The following SLF1 variants were observed in gnomAD, a reference collection of about 807,000 sequenced individuals.
The protein encoded by SLF1 is SMC5/6 complex localization factor 1.
SLF1 carries 105 observed loss-of-function variants against 123.0 expected under a neutral mutation model. The observed-to-expected ratio is 0.85, with a 90% CI of 0.73 to 1.00. The LOEUF is 1.00. SLF1 is among the 50% of genes least tolerant of loss of function. The pLI, the probability that SLF1 is intolerant of heterozygous loss-of-function variation, is 0.00. For missense variants in SLF1, 1,239 were observed against 1,223.0 expected (o/e 1.01, Z -0.20); for synonymous variants, 434 against 406.6 (o/e 1.07, Z -0.81).
intron 15 of SLF1, among the ~76,000 whole-genome samples, chr5:94,681,203 C>T (rs1010728873): frequency 6.6e-6 from 1 of 152,080 alleles, no homozygotes; most frequent in Non-Finnish European, 1.5e-5. Context: ...GATCTCGGCT[C>T]ACTGCAATCT....
In SLF1 at chr5:94,653,355, C is replaced by A; in HGVS notation, c.966C>A (p.Cys322Ter). The change falls in exon 8 of 21, where the codon TGC becomes TGA. Residue 322 changes from cysteine (C) to a stop codon, truncating the protein, a stop_gained. Coordinates refer to ENST00000265140, the MANE Select transcript of SLF1 (RefSeq NM_032290.4). LOFTEE classifies it high-confidence loss of function. Reference sequence around the variant, plus strand: ...GCAAGAAAGGAAAAGAAAGCAATTGCAAGAAAGGCGTTGAACATGAAAAAA... The same window carrying A: ...GCAAGAAAGGAAAAGAAAGCAATTGAAAGAAAGGCGTTGAACATGAAAAAA... ...RKRKKGKESN[C>*]KKGVEHEKIK... The A allele has an allele frequency of 1.3e-6, 2 of 1,529,016 alleles. No homozygotes were observed. Among genetic ancestry groups the A allele is most frequent in the Non-Finnish European group, 1.8e-6 (2 of 1,140,386 alleles). 94.7% of individuals were successfully genotyped at this position (1,529,016 alleles called of 1,614,324 possible).
chr5:94,660,477 T>A (rs7735659), intron 9 of SLF1, among the ~76,000 whole-genome samples: 33,853 of 152,136 alleles, frequency 0.22, 3,894 homozygotes, highest in East Asian at 0.34. Flanking sequence ...CTCTGGTGGC[T>A]GTGCTAGTAG....
rs77655881 is a variant in SLF1 at position 94,653,530 on chromosome 5, C to A, written c.1032+109C>A. ...TTTTAAGAAAAAATCTTGAGTCAAT[C>A]TGGTGTAATATTCATAGTTAATATT... On this transcript the variant is annotated intron_variant, in intron 8 of 20. Transcript: ENST00000265140. 325 of 957,266 alleles carry A rather than the reference C, an allele frequency of 3.4e-4. 3 individuals are homozygous for A. In the East Asian group the frequency reaches 8.7e-3, roughly 26 times the overall value. 59.3% of individuals were successfully genotyped at this position (957,266 alleles called of 1,614,324 possible).
intron 14 of SLF1, among the ~76,000 whole-genome samples, chr5:94,674,405 T>C (rs1187346842): frequency 2.0e-5 from 3 of 152,242 alleles, no homozygotes; most frequent in African/African-American, 7.2e-5. Flanking sequence ...CATTGTGATA[T>C]GAGAACTGGT....
At chr5:94,686,289 A>G (rs570725201) in intron 15 of SLF1, among the ~76,000 whole-genome samples, 4 of 152,340 alleles carry the variant, frequency 2.6e-5, no homozygotes, top group African/African-American at 9.6e-5. Context: ...ATATATTCAT[A>G]TATTACCTAA....
chr5:94,680,613 G>A (rs1286914893), intron 15 of SLF1, among the ~76,000 whole-genome samples: 1 of 152,178 alleles, frequency 6.6e-6, no homozygotes. Context: ...AGATTATCAG[G>A]ATAGTTAGAT....
In SLF1 at chr5:94,697,156, G is replaced by T. The variant is rs1753552024; in HGVS notation, c.*1844G>T. 1 of 151,824 alleles carries T rather than the reference G, an allele frequency of 6.6e-6. No homozygotes were observed. The highest frequency in any genetic ancestry group is 1.5e-5 in the Non-Finnish European group (1 of 67,862). 9.4% of individuals were successfully genotyped at this position (151,824 alleles called of 1,614,324 possible). A position where few individuals can be genotyped will look rare whatever the true frequency, so the allele number is the denominator to read the frequency against. Reference sequence around the variant, plus strand: ...CTTCTACAAGCAGTGATGACATGAAGTGTGAAACAGATGTCACTGAGGTCT... The same window carrying T: ...CTTCTACAAGCAGTGATGACATGAATTGTGAAACAGATGTCACTGAGGTCT... On this transcript the variant is annotated 3_prime_UTR_variant, in exon 21 of 21. Coordinates refer to ENST00000265140, the MANE Select transcript of SLF1 (RefSeq NM_032290.4).
At chr5:94,648,888 A>T (rs541778174) in intron 5 of SLF1, among the ~76,000 whole-genome samples, 1 of 152,338 alleles carries the variant, frequency 6.6e-6, no homozygotes, top group African/African-American at 2.4e-5. Flanking sequence ...TATGCAATGA[A>T]TTTTAAAATA....
At chr5:94,660,659 A>G (rs565122374) in intron 9 of SLF1, among the ~76,000 whole-genome samples, 3 of 152,272 alleles carry the variant, frequency 2.0e-5, no homozygotes, top group African/African-American at 7.2e-5. Context: ...CACCAGTGGC[A>G]GGCAGAGTGG....
chr5:94,619,691 G>T lies in SLF1; in HGVS notation c.-1+926G>T, dbSNP rs190956754. ...ATGTGTGACAGACAATGCACCTTGT[G>T]GACTTTTTGGTTTATGTTATTCCGT... On this transcript the variant is annotated intron_variant, in intron 1 of 20. Coordinates refer to ENST00000265140, the MANE Select transcript of SLF1 (RefSeq NM_032290.4). 2.0e-5 allele frequency among the ~76,000 whole-genome samples: 3 copies of T among 152,216 alleles called. No homozygotes were observed. The East Asian group carries it at 5.8e-4, about 29-fold the overall frequency.
intron 15 of SLF1, among the ~76,000 whole-genome samples, chr5:94,682,143 A>G (rs1423405586): frequency 6.6e-6 from 1 of 152,238 alleles, no homozygotes; most frequent in African/African-American, 2.4e-5. Flanking sequence ...AATGTTAGTG[A>G]TCAAATATAT....
chr5:94,683,266 T>C (rs1243232578), intron 15 of SLF1, among the ~76,000 whole-genome samples: 1 of 152,208 alleles, frequency 6.6e-6, no homozygotes, highest in African/African-American at 2.4e-5. Context: ...TAAATGTTTA[T>C]GTATCATTAC....
At chr5:94,635,196 A>G (rs985040003) in intron 4 of SLF1, among the ~76,000 whole-genome samples, 3 of 151,974 alleles carry the variant, frequency 2.0e-5, no homozygotes, top group South Asian at 4.1e-4. Flanking sequence ...TTCAATGTAA[A>G]TTCTATTTTG....
Position 94,646,643 on chromosome 5 carries a change from A to G in SLF1, c.595-2811A>G, listed in dbSNP as rs551466154. On this transcript the variant is annotated intron_variant, in intron 5 of 20. Transcript: ENST00000265140. ...GGAATACTGAAAACTTATCTTGACT[A>G]CTTAAGAAAGAAAAATGAACTACAG... is the stretch of plus-strand genomic sequence containing the variant. Among the ~76,000 whole-genome samples the G allele has an allele frequency of 3.9e-5, 6 of 152,326 alleles. No individual in the cohort carries two copies. The South Asian group carries it at 1.2e-3, about 32-fold the overall frequency.
At position 94,696,978 on chromosome 5, in the gene SLF1, G is replaced by A. The variant is rs560641538; in HGVS notation, c.*1666G>A. The stretch of plus-strand genomic sequence containing the variant: ...GGCAATATAGTAATTGTTTAAGTTG[G>A]TAGTAATTCTAAGGTAATTAAGGAA... On this transcript the variant is annotated 3_prime_UTR_variant, in exon 21 of 21. Transcript: ENST00000265140. 1.3e-5 allele frequency: 2 copies of A among 151,944 alleles called. No homozygotes were observed. The highest frequency in any genetic ancestry group is 4.1e-4 in the South Asian group (2 of 4,824). 9.4% of individuals were successfully genotyped at this position (151,944 alleles called of 1,614,324 possible).
chr5:94,662,715 T>C (rs1052344500), intron 10 of SLF1, among the ~76,000 whole-genome samples: 1 of 151,990 alleles, frequency 6.6e-6, no homozygotes, highest in African/African-American at 2.4e-5. Flanking sequence ...AAGAAAATGA[T>C]ACCTTTATTT....
chr5:94,643,488 A>G (rs1746671176), intron 5 of SLF1, 53 bp downstream of exon 5: 3 of 1,211,922 alleles, frequency 2.5e-6, no homozygotes. Context: ...TTCATTTTAT[A>G]AAATACCAAC....
chr5:94,637,150 T>G (rs184542045), intron 4 of SLF1, among the ~76,000 whole-genome samples: 1 of 152,268 alleles, frequency 6.6e-6, no homozygotes, highest in Non-Finnish European at 1.5e-5. Flanking sequence ...ATCTTTGAGT[T>G]TTTGCATTGG....
chr5:94,634,200 G>A (rs1269667542), intron 4 of SLF1, among the ~76,000 whole-genome samples: 1 of 152,000 alleles, frequency 6.6e-6, no homozygotes, highest in Non-Finnish European at 1.5e-5. Flanking sequence ...CTGAATTCCT[G>A]TTATCAGTTG....
Sources: gnomAD v4.1 joint callset for allele counts (sites outside exome capture counted in the v4.1 genomes callset) on GRCh38, gnomAD v4.1.1 for gene constraint, MANE v1.5 for transcripts, NCBI Gene and HGNC (gene_info 2026-07-23, HGNC 2026-07-21) for gene names.